Variants in TCAIM observed in about 807,000 individuals in gnomAD.
The protein encoded by TCAIM is T-cell activation inhibitor, mitochondrial.
A neutral mutation model predicts 58.6 loss-of-function variants in TCAIM; 36 were observed. The observed-to-expected ratio is 0.61, with a 90% CI of 0.47 to 0.81. The LOEUF is 0.81. Ranked by LOEUF, TCAIM falls within the 30% of genes least tolerant of loss-of-function variation. TCAIM has a pLI of 0.00. For missense variants in TCAIM, 466 were observed against 579.6 expected, an observed-to-expected ratio of 0.80 and a Z score of 2.01; for synonymous variants, 172 against 193.6, an observed-to-expected ratio of 0.89 and a Z score of 0.93.
chr3:44,379,083 C>T (rs1701613409), intron 5 of TCAIM, among the ~76,000 whole-genome samples: 1 of 119,080 alleles, frequency 8.4e-6, no homozygotes, highest in African/African-American at 3.2e-5. Context: ...TCACTTGAGC[C>T]TGGGCCTCGG....
intron 5 of TCAIM, among the ~76,000 whole-genome samples, chr3:44,370,908 A>ATTTTT (rs56982688): frequency 8.1e-6 from 1 of 123,256 alleles, no homozygotes; most frequent in East Asian, 2.4e-4. Flanking sequence ...TACCTGGCTA[A>ATTTTT]TTTTTTTTTT....
chr3:44,406,737 G>T (rs896437942), intron 10 of TCAIM, among the ~76,000 whole-genome samples: 3 of 152,166 alleles, frequency 2.0e-5, no homozygotes, highest in Admixed American at 2.0e-4. Context: ...CTTTATTCAC[G>T]TTGTTAAATG....
intron 4 of TCAIM, among the ~76,000 whole-genome samples, chr3:44,366,915 C>G (rs757161687): frequency 1.3e-5 from 2 of 152,086 alleles, no homozygotes; most frequent in African/African-American, 4.8e-5. Context: ...TTAAATCACT[C>G]CTGAAAATAT....
intron 1 of TCAIM, among the ~76,000 whole-genome samples, chr3:44,351,044 T>C (rs182326322): frequency 4.4e-4 from 67 of 152,344 alleles, no homozygotes; most frequent in African/African-American, 1.6e-3. Context: ...CTCACTCTCT[T>C]GCCCAGGCAG....
chr3:44,390,475 T>TA, intron 5 of TCAIM, among the ~76,000 whole-genome samples: 1 of 151,954 alleles, frequency 6.6e-6, no homozygotes, highest in Middle Eastern at 3.4e-3. Flanking sequence ...TTTAAAAAAT[T>TA]AGGTGGGCAT....
At position 44,392,837 on chromosome 3, in the gene TCAIM, G is replaced by A. The variant is rs780690939; in HGVS notation, c.573-18G>A. On this transcript the variant is annotated intron_variant, in intron 5 of 10. Coordinates refer to ENST00000342649, the MANE Select transcript of TCAIM (RefSeq NM_173826.4). ...TATTATAGTTAGTATTGTAAAGTAT[G>A]TATCTCTCTCTTTCTAGATCCTGGT... 1 of 1,607,160 alleles carries A rather than the reference G, an allele frequency of 6.2e-7. No individual in the cohort carries two copies. The highest frequency in any genetic ancestry group is 2.2e-5 in the East Asian group (1 of 44,686).
chr3:44,377,404 AGAAAGTTCTACAATAATG>A (rs559785122), intron 5 of TCAIM, among the ~76,000 whole-genome samples: 288 of 152,356 alleles, frequency 1.9e-3, no homozygotes, highest in African/African-American at 6.4e-3. Context: ...AGAGAGAAAT[AGAAAGTTCTACAATAATG>A]GCTGGACACT....
Position 44,361,379 on chromosome 3 carries a change from T to G in TCAIM, c.180T>G (p.Asn60Lys). The change falls in exon 4 of 11, where the codon AAT becomes AAG. Residue 60 changes from asparagine to lysine, a missense_variant. Coordinates refer to ENST00000342649, the MANE Select transcript of TCAIM (RefSeq NM_173826.4). ...QHPVEREINE[N>K]SLKRLSVYLE... ...TTTTTTTCCAGGAAATCAATGAAAA[T>G]TCTCTTAAAAGGTTAAGTGTCTACC... 1 of 1,590,374 alleles carries G rather than the reference T, an allele frequency of 6.3e-7. No individual in the cohort carries two copies. Among genetic ancestry groups the G allele is most frequent in the Non-Finnish European group, 8.5e-7 (1 of 1,173,412 alleles).
rs1248765035 is a variant in TCAIM, at chr3:44,408,705, T to C, written c.*1023T>C. On this transcript the variant is annotated 3_prime_UTR_variant, in exon 11 of 11. Coordinates refer to ENST00000342649, the MANE Select transcript of TCAIM (RefSeq NM_173826.4). The stretch of plus-strand genomic sequence containing the variant: ...ATCAAGTGTAAAATGGTTCAGACCA[T>C]TCAGGATTTCTTGTCACTCTTCTCA... The C allele has an allele frequency of 6.6e-6, 1 of 152,170 alleles. No individual in the cohort carries two copies. The highest frequency in any genetic ancestry group is 1.5e-5 in the Non-Finnish European group (1 of 68,036). The allele number at this position is 152,170 out of a possible 1,614,324, so 9.4% of individuals were successfully genotyped here.
chr3:44,372,070 G>C (rs1701485623), intron 5 of TCAIM, among the ~76,000 whole-genome samples: 1 of 115,804 alleles, frequency 8.6e-6, no homozygotes, highest in African/African-American at 3.2e-5. Flanking sequence ...AGGAAGGAAG[G>C]AAGGAAGATA....
At chr3:44,378,553 C>T (rs1235721629) in intron 5 of TCAIM, among the ~76,000 whole-genome samples, 1 of 152,004 alleles carries the variant, frequency 6.6e-6, no homozygotes, top group Non-Finnish European at 1.5e-5. Flanking sequence ...TGCGGTGGCT[C>T]ACGCCTGTAA....
chr3:44,403,729 A>G lies in TCAIM; in HGVS notation c.1250+2395A>G, dbSNP rs1159096634. Among the ~76,000 whole-genome samples the G allele has an allele frequency of 5.3e-5, 8 of 152,318 alleles. No homozygotes were observed. In the East Asian group the frequency reaches 1.2e-3, roughly 22 times the overall value. ...CAGTTGCTCAGGCGAATAAAAACCC[A>G]TGAATCATCTTGATTCCTCTCCCCT... On this transcript the variant is annotated intron_variant, in intron 10 of 10. Coordinates refer to ENST00000342649, the MANE Select transcript of TCAIM (RefSeq NM_173826.4).
chr3:44,364,004 C>T (rs1701331939), intron 4 of TCAIM, among the ~76,000 whole-genome samples: 1 of 141,142 alleles, frequency 7.1e-6, no homozygotes, highest in African/African-American at 2.6e-5. Context: ...TCTTGGCTCA[C>T]TGCAACCTCT....
intron 4 of TCAIM, 121 bp downstream of exon 4, chr3:44,361,639 A>ACT: frequency 2.0e-6 from 2 of 1,018,252 alleles, no homozygotes; most frequent in Admixed American, 7.1e-5. Context: ...ATAGCATTTA[A>ACT]TTGATTGTTT....
intron 8 of TCAIM, among the ~76,000 whole-genome samples, chr3:44,398,354 C>T (rs1281068939): frequency 6.6e-6 from 1 of 151,988 alleles, no homozygotes; most frequent in Non-Finnish European, 1.5e-5. Flanking sequence ...CATTTGAACC[C>T]GGGAGACGGA....
At chr3:44,375,653 A>G (rs780236986) in intron 5 of TCAIM, among the ~76,000 whole-genome samples, 1 of 152,168 alleles carries the variant, frequency 6.6e-6, no homozygotes, top group African/African-American at 2.4e-5. Context: ...GACAACCACA[A>G]CCAGTTACCA....
At chr3:44,364,192 G>T (rs1701334837) in intron 4 of TCAIM, among the ~76,000 whole-genome samples, 1 of 150,996 alleles carries the variant, frequency 6.6e-6, no homozygotes, top group Non-Finnish European at 1.5e-5. Context: ...CTCCCAAAGT[G>T]CTGGTGTTAC....
At chr3:44,385,118 A>C (rs1342193605) in intron 5 of TCAIM, among the ~76,000 whole-genome samples, 3 of 152,212 alleles carry the variant, frequency 2.0e-5, no homozygotes, top group African/African-American at 7.2e-5. Flanking sequence ...GCAGAGATAC[A>C]CTTGGATTAC....
At chr3:44,390,659 C>T (rs1326333438) in intron 5 of TCAIM, among the ~76,000 whole-genome samples, 1 of 151,888 alleles carries the variant, frequency 6.6e-6, no homozygotes, top group Non-Finnish European at 1.5e-5. Flanking sequence ...ATTAGCATAG[C>T]CAATTAAAAA....
Sources: allele counts gnomAD v4.1 joint callset (sites outside exome capture counted in the v4.1 genomes callset), GRCh38; gene constraint gnomAD v4.1.1; transcripts MANE v1.5; gene names NCBI Gene and HGNC (gene_info 2026-07-23, HGNC 2026-07-21).